Variants in MMEL1 observed in about 807,000 individuals in gnomAD.
The protein encoded by MMEL1 is membrane metallo-endopeptidase-like 1.
In MMEL1, 98 loss-of-function variants were observed where a neutral mutation model predicts 117.1. The observed-to-expected ratio is 0.84, with a 90% CI of 0.71 to 0.99. The LOEUF is 0.99. Among genes scored for constraint, MMEL1 ranks in the 50% least tolerant of loss-of-function variants. MMEL1 has a pLI of 0.00. For synonymous variants in MMEL1, 390 were observed against 415.1 expected (o/e 0.94, Z 0.74); for missense variants, 1,014 against 1,049.1 (o/e 0.97, Z 0.46).
intron 2 of MMEL1, among the ~76,000 whole-genome samples, chr1:2,618,888 C>A (rs531213786): frequency 3.3e-5 from 5 of 152,180 alleles, no homozygotes; most frequent in African/African-American, 1.2e-4. Flanking sequence ...TGATCCAGAA[C>A]GTATGGAAGC....
intron 2 of MMEL1, among the ~76,000 whole-genome samples, chr1:2,624,201 T>A (rs28568531): frequency 0.42 from 63,135 of 152,082 alleles, 14,202 homozygotes; most frequent in African/African-American, 0.58. Context: ...GGACCAGGGC[T>A]TGGGGAGGAT....
At chr1:2,608,662 A>G (rs1017499845) in intron 6 of MMEL1, among the ~76,000 whole-genome samples, 1 of 151,930 alleles carries the variant, frequency 6.6e-6, no homozygotes, top group South Asian at 2.1e-4. Flanking sequence ...CACACAACAC[A>G]CCCATAGAAT....
At chr1:2,611,720 C>G (rs749841957) in intron 3 of MMEL1, among the ~76,000 whole-genome samples, 11 of 152,186 alleles carry the variant, frequency 7.2e-5, no homozygotes, top group Admixed American at 2.6e-4. Flanking sequence ...CATGTACCCC[C>G]ACAGCTGCCC....
intron 2 of MMEL1, among the ~76,000 whole-genome samples, chr1:2,618,882 C>T (rs571764725): frequency 1.3e-5 from 2 of 152,274 alleles, no homozygotes; most frequent in Non-Finnish European, 2.9e-5. Flanking sequence ...ATGATCTGAT[C>T]CAGAACGTAT....
In MMEL1 at chr1:2,591,691, G is replaced by T; in HGVS notation, c.2164-58C>A. 1.0e-5 allele frequency: 13 copies of T among 1,247,782 alleles called. No individual in the cohort carries two copies. In the South Asian group the frequency reaches 1.4e-4, roughly 14 times the overall value. The allele number at this position is 1,247,782 out of a possible 1,614,324, so 77.3% of individuals were successfully genotyped here. ...GCGTGGTGGGGTGGCCAGGAGGGGT[G>T]GGGGAGGGTCTCCACTATCCCCAGG... On this transcript the variant is annotated intron_variant, in intron 22 of 23. Transcript: ENST00000378412.
chr1:2,591,779 A>G, intron 22 of MMEL1, 146 bp from the exon 23 acceptor site: 1 of 1,038,330 alleles, frequency 9.6e-7, no homozygotes, highest in Non-Finnish European at 1.5e-6. Flanking sequence ...ATCAGCATTG[A>G]AATCCTGTCC....
In MMEL1 at chr1:2,590,758, G is replaced by T. The variant is rs1644669642; in HGVS notation, c.*232C>A. 1 of 402,602 alleles carries T rather than the reference G, an allele frequency of 2.5e-6. No individual in the cohort carries two copies. The highest frequency in any genetic ancestry group is 4.4e-6 in the Non-Finnish European group (1 of 228,126). 24.9% of individuals were successfully genotyped at this position (402,602 alleles called of 1,614,324 possible). ...TACAGAGCTGTGACGGGGGCACTGA[G>T]CCCCGCGGGTGTCTGTGGAGGGGGC... On this transcript the variant is annotated 3_prime_UTR_variant, in exon 24 of 24. Coordinates refer to ENST00000378412, the MANE Select transcript of MMEL1 (RefSeq NM_033467.4).
Position 2,595,002 on chromosome 1 carries a change from G to T in MMEL1, c.1585-109C>A. 2 of 907,842 alleles carry T rather than the reference G, an allele frequency of 2.2e-6. No individual in the cohort carries two copies. The highest frequency in any genetic ancestry group is 3.5e-6 in the Non-Finnish European group (2 of 576,498). 56.2% of individuals were successfully genotyped at this position (907,842 alleles called of 1,614,324 possible). On this transcript the variant is annotated intron_variant, in intron 16 of 23. Coordinates refer to ENST00000378412, the MANE Select transcript of MMEL1 (RefSeq NM_033467.4). The surrounding 1 kb of genome is among the most constrained non-coding windows in gnomAD (Gnocchi z 4.8). ...GGACCTCAAGCCTTGCCAGGCGTCC[G>T]CACGTGGACAGTCGGCTGTGGGTGC...
At position 2,606,550 on chromosome 1, in the gene MMEL1, G is replaced by A. The variant is rs369753919; in HGVS notation, c.632-184C>T. ...CCCTAACAGCCCAGGAGCCACAGGC[G>A]GGCCCCCAGGTGACCGGAGGGGGTT... On this transcript the variant is annotated intron_variant, in intron 7 of 23. Transcript: ENST00000378412. Among the ~76,000 whole-genome samples, 183 of 152,276 alleles carry A rather than the reference G, an allele frequency of 1.2e-3. 6 individuals carry two copies. The South Asian group carries it at 0.036, about 30-fold the overall frequency.
At chr1:2,616,371 A>G (rs993939783) in intron 2 of MMEL1, among the ~76,000 whole-genome samples, 1 of 151,746 alleles carries the variant, frequency 6.6e-6, no homozygotes, top group South Asian at 2.1e-4. Flanking sequence ...GCAGACAAAA[A>G]AAGACACATT....
At chr1:2,623,757 G>A (rs945556766) in intron 2 of MMEL1, among the ~76,000 whole-genome samples, 4 of 152,188 alleles carry the variant, frequency 2.6e-5, no homozygotes, top group African/African-American at 9.7e-5. Flanking sequence ...AGCCTCCCTT[G>A]GTGGCCCAGG....
At chr1:2,628,624 T>C (rs1051840745) in intron 2 of MMEL1, among the ~76,000 whole-genome samples, 6 of 147,980 alleles carry the variant, frequency 4.1e-5, no homozygotes, top group Non-Finnish European at 8.9e-5. Flanking sequence ...TGACCAGGTC[T>C]ACGGGTGCCT....
At position 2,612,465 on chromosome 1, in the gene MMEL1, T is replaced by A. The variant is rs1053713502; in HGVS notation, c.155-261A>T. Among the ~76,000 whole-genome samples, 1 of 152,016 alleles carries A rather than the reference T, an allele frequency of 6.6e-6. No homozygotes were observed. The highest frequency in any genetic ancestry group is 2.1e-4 in the South Asian group (1 of 4,834). On this transcript the variant is annotated intron_variant, in intron 2 of 23. Coordinates refer to ENST00000378412, the MANE Select transcript of MMEL1 (RefSeq NM_033467.4). The surrounding 1 kb of genome is among the most constrained non-coding windows in gnomAD (Gnocchi z 5.4). ...GCCAGCCCCACCCTTTAATTCTCCC[T>A]CCACCCACCCCAAGGTCCCCGATGT... is the stretch of plus-strand genomic sequence containing the variant.
intron 11 of MMEL1, 45 bp from the exon 12 acceptor site, chr1:2,598,835 G>A: frequency 1.4e-6 from 2 of 1,449,318 alleles, no homozygotes; most frequent in Non-Finnish European, 1.9e-6. Context: ...GAGAGAGAGG[G>A]AGAAACAGTT....
At chr1:2,623,445 C>A (rs992038081) in intron 2 of MMEL1, among the ~76,000 whole-genome samples, 2 of 152,166 alleles carry the variant, frequency 1.3e-5, no homozygotes, top group African/African-American at 4.8e-5. Context: ...CCATCCAAGA[C>A]CTGAGGTCAA....
rs781512158 is a variant in MMEL1 at position 2,611,293 on chromosome 1, A to T, written c.280T>A (p.Cys94Ser). The T allele has an allele frequency of 1.3e-6, 2 of 1,579,314 alleles. No individual in the cohort carries two copies. Among genetic ancestry groups the T allele is most frequent in the Non-Finnish European group, 1.7e-6 (2 of 1,164,440 alleles). Residue 94 changes from cysteine (C) to serine (S), a missense_variant, in exon 4 of 24, where the codon TGC (cysteine) becomes AGC (serine). Transcript: ENST00000378412. ...GGGCGGGGCTTACCTGCTATCACGC[A>T]GCCAGGGGTGGTGCAGACCTCGCTC... ...EVSEVCTTPG[C>S]VIAAARILQN...
chr1:2,594,887 A>T lies in MMEL1; in HGVS notation c.1591T>A (p.Phe531Ile). The change falls in exon 17 of 24, where the codon TTC (phenylalanine) becomes ATC (isoleucine). Residue 531 changes from phenylalanine to isoleucine, a missense_variant. Transcript: ENST00000378412. ...TTCTCAAAGTACAGGTCCTCTGAGA[A>T]GTTCAGCTACGGGAGAGGGGCAGTC... ...RLDEEYSNLN[F>I]SEDLYFENSL... 3 of 1,613,688 alleles carry T rather than the reference A, an allele frequency of 1.9e-6. No individual in the cohort carries two copies. In the East Asian group the frequency reaches 6.7e-5, roughly 36 times the overall value.
chr1:2,609,125 G>C (rs546319720), intron 6 of MMEL1, among the ~76,000 whole-genome samples: 1 of 152,204 alleles, frequency 6.6e-6, no homozygotes, highest in African/African-American at 2.4e-5. Context: ...TGGGGTTGGG[G>C]TGTGAGTGAG....
chr1:2,615,282 A>G (rs1645184817), intron 2 of MMEL1, among the ~76,000 whole-genome samples: 1 of 152,204 alleles, frequency 6.6e-6, no homozygotes, highest in Non-Finnish European at 1.5e-5. Flanking sequence ...CCAGGCAATT[A>G]AGGTTAACAT....
Sources: allele counts gnomAD v4.1 joint callset (sites outside exome capture counted in the v4.1 genomes callset), GRCh38; gene constraint gnomAD v4.1.1; non-coding constraint Gnocchi (gnomAD v3.1); transcripts MANE v1.5; gene names NCBI Gene and HGNC (gene_info 2026-07-23, HGNC 2026-07-21).